Variants in PDLIM2 observed in about 807,000 individuals in gnomAD.
PDLIM2 encodes the protein PDZ and LIM domain 2.
In PDLIM2, 51 loss-of-function variants were observed where a neutral mutation model predicts 54.1. That is an observed-to-expected ratio of 0.94 (90% CI 0.75 to 1.19). The LOEUF (loss-of-function observed/expected upper bound fraction) is 1.19. PDLIM2 is among the 50% of genes most tolerant of loss of function. PDLIM2 has a pLI of 0.00. For synonymous variants in PDLIM2, 398 were observed against 385.6 expected (o/e 1.03, Z -0.38); for missense variants, 912 against 874.0 (o/e 1.04, Z -0.55).
chr8:22,594,495 T>A (rs775225057), downstream of PDLIM2: 4 of 1,613,606 alleles, frequency 2.5e-6, no homozygotes, highest in South Asian at 4.4e-5. Flanking sequence ...GTCATGTCAT[T>A]CCTTAACCTT....
chr8:22,591,780 AC>A, intron 9 of PDLIM2, 112 bp downstream of exon 8: 1 of 997,404 alleles, frequency 1.0e-6, no homozygotes, highest in Non-Finnish European at 1.5e-6. Flanking sequence ...AGCACTGGGT[AC>A]CCAGTCGGGG....
chr8:22,580,698 G>GT lies in PDLIM2; in HGVS notation c.843+2dup. On this transcript the variant is annotated splice_donor_variant, in intron 2 of 9. Transcript: ENST00000308354. LOFTEE classifies it high-confidence loss of function. ...CCACACGCCCATCATGGTGACTAAG[G>GT]TAAGGATGGTGGCTCAAAGAGATGA... 6.2e-7 allele frequency: 1 copy of GT among 1,613,874 alleles called. No homozygotes were observed. The highest frequency in any genetic ancestry group is 8.5e-7 in the Non-Finnish European group (1 of 1,179,902).
At chr8:22,579,297 C>G in exon 1 of PDLIM2, 1 of 1,386,902 alleles carries the variant, frequency 7.2e-7, no homozygotes, top group Admixed American at 3.6e-5. Flanking sequence ...GCGCCCCTGT[C>G]GGCGCGGAAC....
At chr8:22,593,972 T>C (rs1011084866) in exon 10 of PDLIM2, 43 of 1,510,544 alleles carry the variant, frequency 2.8e-5, no homozygotes, top group Non-Finnish European at 3.6e-5. Flanking sequence ...TAAGTTGGCA[T>C]GGCAGGGACA....
chr8:22,591,561 AGCCTTCTT>A lies in PDLIM2; in HGVS notation c.1528_1535del (p.Phe510GlnfsTer25), dbSNP rs1167855777. 5.0e-6 allele frequency: 8 copies of A among 1,613,618 alleles called. No individual in the cohort carries two copies. The highest frequency in any genetic ancestry group is 6.8e-6 in the Non-Finnish European group (8 of 1,179,990). On this transcript the variant is annotated frameshift_variant, in exon 9 of 10. Transcript: ENST00000308354. LOFTEE classifies it high-confidence loss of function. ...CTGCCCTGCCCCCAGGTGGCACGCCAGCCTTCTTGCCCAGCTCACTGAGCCCCCAGTCC... is the reference window on the plus strand; with the variant it reads ...CTGCCCTGCCCCCAGGTGGCACGCCAGCCCAGCTCACTGAGCCCCCAGTCC...
chr8:22,583,680 T>A (rs1286727431), intron 3 of PDLIM2, among the ~76,000 whole-genome samples: 2 of 151,588 alleles, frequency 1.3e-5, no homozygotes, highest in African/African-American at 2.4e-5. Context: ...GCAGGGAGAA[T>A]TGCTTGAACC....
At chr8:22,591,050 G>T in intron 8 of PDLIM2, 1 of 185,248 alleles carries the variant, frequency 5.4e-6, no homozygotes, top group Non-Finnish European at 1.1e-5. Context: ...GAAGGTCCCA[G>T]GAGGCAGCAC....
Position 22,589,325 on chromosome 8 carries a change from GC to G in PDLIM2, c.1319del (p.Ala440GlyfsTer76). The G allele has an allele frequency of 6.5e-7, 1 of 1,534,342 alleles. No homozygotes were observed. Among genetic ancestry groups the G allele is most frequent in the South Asian group, 1.2e-5 (1 of 83,896 alleles). On this transcript the variant is annotated frameshift_variant, in exon 7 of 10. Transcript: ENST00000308354. LOFTEE classifies it high-confidence loss of function. Reference sequence around the variant, plus strand: ...CGGCCTCGGCCGCGCTGGCGACTCGGCGGTGCTGGTGCTGCCGCCTTCCCCG... The same window carrying G: ...CGGCCTCGGCCGCGCTGGCGACTCGGGGTGCTGGTGCTGCCGCCTTCCCCG...
intron 3 of PDLIM2, 67 bp from the exon 3 acceptor site, chr8:22,584,754 T>C (rs1230119678): frequency 2.0e-6 from 3 of 1,477,452 alleles, no homozygotes; most frequent in African/African-American, 2.8e-5. Context: ...GGAACAGTTT[T>C]GGCCTCTTTT....
downstream of PDLIM2, chr8:22,594,555 T>C: frequency 6.2e-7 from 1 of 1,613,884 alleles, no homozygotes; most frequent in Non-Finnish European, 8.5e-7. Flanking sequence ...ATGGAGGGAA[T>C]GAGATTGTCA....
rs567224775 is a variant in PDLIM2 at position 22,589,463 on chromosome 8, C to T, written c.1367+89C>T. ...CGGGCTTCCCCGAGAGGGATGGGGT[C>T]CCCCAAGCCCAGTTGGCTCCTCCAC... is the stretch of plus-strand genomic sequence containing the variant. On this transcript the variant is annotated intron_variant, in intron 7 of 9. Transcript: ENST00000308354. 4.3e-4 allele frequency: 662 copies of T among 1,526,972 alleles called. 2 individuals carry two copies. In the South Asian group the frequency reaches 7.6e-3, roughly 18 times the overall value. 94.6% of individuals were successfully genotyped at this position (1,526,972 alleles called of 1,614,324 possible).
intron 1 of PDLIM2, chr8:22,579,772 G>T (rs1800137145): frequency 2.1e-5 from 9 of 431,986 alleles, no homozygotes; most frequent in Non-Finnish European, 3.2e-5. Flanking sequence ...TGGCTCCAGA[G>T]CTAGAGGCTC....
downstream of PDLIM2, chr8:22,594,689 T>C: frequency 6.3e-7 from 1 of 1,585,312 alleles, no homozygotes; most frequent in Non-Finnish European, 8.6e-7. Context: ...CCACCAAGGG[T>C]TGGGCCCCCG....
rs887294175 is a variant in PDLIM2 at position 22,594,169 on chromosome 8, G to C, written c.*259G>C. On this transcript the variant is annotated 3_prime_UTR_variant, in exon 10 of 10. Coordinates refer to ENST00000308354, the Ensembl canonical transcript of PDLIM2. Reference sequence around the variant, plus strand: ...TGGCCACTGCCTTTGATCAACCTTTGTGTGCGAGGGTCTAAGTAGGGTCGA... The same window carrying C: ...TGGCCACTGCCTTTGATCAACCTTTCTGTGCGAGGGTCTAAGTAGGGTCGA... The C allele has an allele frequency of 1.1e-5, 15 of 1,414,604 alleles. No individual in the cohort carries two copies. In the African/African-American group the frequency reaches 2.0e-4, roughly 19 times the overall value. 87.6% of individuals were successfully genotyped at this position (1,414,604 alleles called of 1,614,324 possible).
chr8:22,578,974 C>T (rs1039874129), exon 1 of PDLIM2: 5 of 1,241,588 alleles, frequency 4.0e-6, no homozygotes, highest in Non-Finnish European at 5.0e-6. Flanking sequence ...GCCCTGGGGA[C>T]AGCCTGCCTC....
intron 3 of PDLIM2, among the ~76,000 whole-genome samples, chr8:22,583,854 G>GAAAAAAA (rs530039600): frequency 1.9e-4 from 15 of 79,132 alleles, no homozygotes; most frequent in Non-Finnish European, 2.7e-4. Context: ...AGGCAAAATA[G>GAAAAAAA]AAAAAAAAAA....
Position 22,589,311 on chromosome 8 carries a change from G to A in PDLIM2, c.1304G>A (p.Arg435His), listed in dbSNP as rs777049196. 5.9e-6 allele frequency: 9 copies of A among 1,533,998 alleles called. No individual in the cohort carries two copies. The South Asian group carries it at 9.5e-5, about 16-fold the overall frequency. ...TCCTCCCAACAGGCCGGCCTCGGCC[G>A]CGCTGGCGACTCGGCGGTGCTGGTG... is the stretch of plus-strand genomic sequence containing the variant. The change falls in exon 7 of 10, where the codon CGC (arginine) becomes CAC (histidine). Residue 435 changes from arginine to histidine, a missense_variant. Coordinates refer to ENST00000308354, the Ensembl canonical transcript of PDLIM2.
chr8:22,581,686 C>G (rs1800210612), intron 3 of PDLIM2, among the ~76,000 whole-genome samples, 156 bp downstream of exon 2: 1 of 152,232 alleles, frequency 6.6e-6, no homozygotes, highest in South Asian at 2.1e-4. Flanking sequence ...CTGGGCTCTG[C>G]TTCCTGCAGC....
chr8:22,581,912 G>GA (rs1467425542), intron 3 of PDLIM2, among the ~76,000 whole-genome samples: 1 of 152,254 alleles, frequency 6.6e-6, no homozygotes, highest in Non-Finnish European at 1.5e-5. Context: ...GCATCCCCAG[G>GA]ACTCCTGCTT....
Sources: gnomAD v4.1 joint callset for allele counts (sites outside exome capture counted in the v4.1 genomes callset) on GRCh38, gnomAD v4.1.1 for gene constraint, MANE v1.5 for transcripts, NCBI Gene and HGNC (gene_info 2026-07-23, HGNC 2026-07-21) for gene names.